Variants in KIRREL3 observed in about 807,000 individuals in gnomAD.
KIRREL3 encodes kin of IRRE-like protein 3.
KIRREL3 carries 36 observed loss-of-function variants against 89.7 expected under a neutral mutation model. The observed-to-expected ratio is 0.40, with a 90% CI of 0.31 to 0.53. KIRREL3 has a LOEUF of 0.53. Among genes scored for constraint, KIRREL3 ranks in the 20% least tolerant of loss-of-function variants. The pLI, the probability that KIRREL3 is intolerant of heterozygous loss-of-function variation, is 0.49. For missense variants in KIRREL3, 864 were observed against 1,056.6 expected (o/e 0.82, Z 2.53); for synonymous variants, 445 against 441.4 (o/e 1.01, Z -0.10).
chr11:126,917,401 A>C lies in KIRREL3; in HGVS notation c.55+83054T>G, dbSNP rs541829981. On this transcript the variant is annotated intron_variant, in intron 1 of 16. Coordinates refer to ENST00000525144, the MANE Select transcript of KIRREL3 (RefSeq NM_032531.4). The surrounding 1 kb of genome is among the most constrained non-coding windows in gnomAD (Gnocchi z 5.0). ...GTGGTGATGGTTGCACAACATTGTC[A>C]ATATAGTTAATGCCACTAAACCGTA... is the stretch of plus-strand genomic sequence containing the variant. Among the ~76,000 whole-genome samples, 22 of 152,212 alleles carry C rather than the reference A, an allele frequency of 1.4e-4. No homozygotes were observed. The highest frequency in any genetic ancestry group is 2.9e-4 in the Non-Finnish European group (20 of 68,038).
rs1565464390 is a variant in KIRREL3, at chr11:126,967,824, T to TGGG, written c.55+32630_55+32631insCCC. Among the ~76,000 whole-genome samples, 13 of 151,802 alleles carry TGGG rather than the reference T, an allele frequency of 8.6e-5. No homozygotes were observed. The East Asian group carries it at 1.4e-3, about 16-fold the overall frequency. ...TGCTTGTCGCAGCTGGGGAGGGGGC[T>TGGG]TGCTACAGGCACATACTGGGTAGCT... On this transcript the variant is annotated intron_variant, in intron 1 of 16. Transcript: ENST00000525144.
intron 8 of KIRREL3, among the ~76,000 whole-genome samples, chr11:126,447,573 G>A (rs1190172747): frequency 2.0e-5 from 3 of 152,136 alleles, no homozygotes; most frequent in African/African-American, 4.8e-5. Context: ...TTCCACTTCC[G>A]ACCCCTCTCC....
chr11:126,794,656 A>G (rs1950747251), intron 1 of KIRREL3, among the ~76,000 whole-genome samples: 1 of 152,256 alleles, frequency 6.6e-6, no homozygotes, highest in African/African-American at 2.4e-5. Flanking sequence ...GAATGAATGC[A>G]AAGTGGTACG....
Position 126,491,232 on chromosome 11 carries a change from G to T in KIRREL3, c.434-17766C>A, listed in dbSNP as rs1309512961. On this transcript the variant is annotated intron_variant, in intron 4 of 16. Transcript: ENST00000525144. The surrounding 1 kb of genome is among the most constrained non-coding windows in gnomAD (Gnocchi z 5.5). ...GGCATGGCGGTGAAACCACCTGAGG[G>T]TCAGGAAGGCTGAGTGAAGGCCAGA... is the stretch of plus-strand genomic sequence containing the variant. Among the ~76,000 whole-genome samples, 1 of 152,210 alleles carries T rather than the reference G, an allele frequency of 6.6e-6. No individual in the cohort carries two copies.
intron 1 of KIRREL3, among the ~76,000 whole-genome samples, chr11:126,592,948 C>T (rs1421339289): frequency 6.6e-6 from 1 of 151,846 alleles, no homozygotes; most frequent in East Asian, 1.9e-4. Context: ...TGTGAGGGGG[C>T]TAGGAGCTGG....
At chr11:126,789,627 A>T (rs1213600219) in intron 1 of KIRREL3, among the ~76,000 whole-genome samples, 1 of 152,172 alleles carries the variant, frequency 6.6e-6, no homozygotes, top group African/African-American at 2.4e-5. Flanking sequence ...CAAACTGCCA[A>T]ATCTTGAGGT....
In KIRREL3 at chr11:126,450,913, GTC is replaced by G. The variant is rs200899602; in HGVS notation, c.849-1758_849-1757del. Among the ~76,000 whole-genome samples the G allele has an allele frequency of 3.4e-3, 510 of 151,552 alleles. 3 individuals carry two copies. The highest frequency in any genetic ancestry group is 0.011 in the African/African-American group (474 of 41,244). On this transcript the variant is annotated intron_variant, in intron 7 of 16. Coordinates refer to ENST00000525144, the MANE Select transcript of KIRREL3 (RefSeq NM_032531.4). ...TGTGCGTGTGTGCATGTGCGTGTGT[GTC>G]CACGTGCATGTGTGCATGTGTGTGG...
Position 126,474,789 on chromosome 11 carries a change from G to A in KIRREL3, c.434-1323C>T, listed in dbSNP as rs371212450. ...CCCACTGGGGTCACCCTTTGATTCC[G>A]ATGAGGACCATGGGCTGAAGGATGG... On this transcript the variant is annotated intron_variant, in intron 4 of 16. Transcript: ENST00000525144. This position sits in a 1 kb window ranked among gnomAD's most constrained non-coding sequence, Gnocchi z 6.7. Among the ~76,000 whole-genome samples, 8 of 152,194 alleles carry A rather than the reference G, an allele frequency of 5.3e-5. No homozygotes were observed. Among genetic ancestry groups the A allele is most frequent in the African/African-American group, 1.4e-4 (6 of 41,454 alleles).
In KIRREL3 at chr11:126,423,427, CA is replaced by C. The variant is rs1312867606; in HGVS notation, c.*1152del. The C allele has an allele frequency of 6.6e-6, 1 of 152,150 alleles. No individual in the cohort carries two copies. Among genetic ancestry groups the C allele is most frequent in the Non-Finnish European group, 1.5e-5 (1 of 68,024 alleles). The allele number at this position is 152,150 out of a possible 1,614,324, so 9.4% of individuals were successfully genotyped here. A position where few individuals can be genotyped will look rare whatever the true frequency, so the allele number is the denominator to read the frequency against. On this transcript the variant is annotated 3_prime_UTR_variant, in exon 17 of 17. Transcript: ENST00000525144. The stretch of plus-strand genomic sequence containing the variant: ...AGGAGGGCAGAGAACCTTGGGTTCC[CA>C]ACGCATTCTATGAGCTCTTGGGTTC...
chr11:126,586,251 T>G lies in KIRREL3; in HGVS notation c.56-23339A>C, dbSNP rs138421990. On this transcript the variant is annotated intron_variant, in intron 1 of 16. Coordinates refer to ENST00000525144, the MANE Select transcript of KIRREL3 (RefSeq NM_032531.4). ...GCCACTCCTCATGTGTCCTTGTTCATGAGGAACATAGAGCTAAAATCAATA... is the reference window on the plus strand; with the variant it reads ...GCCACTCCTCATGTGTCCTTGTTCAGGAGGAACATAGAGCTAAAATCAATA... Among the ~76,000 whole-genome samples the G allele has an allele frequency of 1.0e-3, 159 of 152,322 alleles. 1 individual carries two copies. The highest frequency in any genetic ancestry group is 3.7e-3 in the African/African-American group (155 of 41,580).
chr11:126,572,591 G>T (rs1212239522), intron 1 of KIRREL3, among the ~76,000 whole-genome samples: 5 of 151,752 alleles, frequency 3.3e-5, no homozygotes, highest in Admixed American at 1.3e-4. Context: ...CCGCCAAGCA[G>T]GTGCTGCTGA....
In KIRREL3 at chr11:126,790,230, A is replaced by C. The variant is rs557708984; in HGVS notation, c.55+210225T>G. ...GCAATCTGAGGTCACCGAACATTGC[A>C]CTGGGCTTTAAGCATTCATTGACTG... On this transcript the variant is annotated intron_variant, in intron 1 of 16. Coordinates refer to ENST00000525144, the MANE Select transcript of KIRREL3 (RefSeq NM_032531.4). Among the ~76,000 whole-genome samples the C allele has an allele frequency of 3.9e-5, 6 of 152,300 alleles. No individual in the cohort carries two copies. The South Asian group carries it at 1.2e-3, about 32-fold the overall frequency.
intron 1 of KIRREL3, among the ~76,000 whole-genome samples, chr11:126,813,801 A>C (rs1970761): frequency 0.56 from 84,097 of 151,048 alleles, 23,294 homozygotes; most frequent in Admixed American, 0.59. Context: ...CCCCGAAACT[A>C]GAAAAACCCT....
At position 126,620,840 on chromosome 11, in the gene KIRREL3, T is replaced by C. The variant is rs1314389696; in HGVS notation, c.56-57928A>G. On this transcript the variant is annotated intron_variant, in intron 1 of 16. Coordinates refer to ENST00000525144, the MANE Select transcript of KIRREL3 (RefSeq NM_032531.4). This position sits in a 1 kb window ranked among gnomAD's most constrained non-coding sequence, Gnocchi z 4.8. ...GCTTTCTTCTTGGAGCAGCAACTAGTGAGGAAGGCCGTACCCCACTTGCTG... is the reference window on the plus strand; with the variant it reads ...GCTTTCTTCTTGGAGCAGCAACTAGCGAGGAAGGCCGTACCCCACTTGCTG... Among the ~76,000 whole-genome samples, 1 of 152,108 alleles carries C rather than the reference T, an allele frequency of 6.6e-6. No homozygotes were observed. Among genetic ancestry groups the C allele is most frequent in the Admixed American group, 6.5e-5 (1 of 15,270 alleles).
In KIRREL3 at chr11:126,990,322, C is replaced by G. The variant is rs961418231; in HGVS notation, c.55+10133G>C. 1.3e-5 allele frequency among the ~76,000 whole-genome samples: 2 copies of G among 152,142 alleles called. No homozygotes were observed. The highest frequency in any genetic ancestry group is 4.8e-5 in the African/African-American group (2 of 41,434). On this transcript the variant is annotated intron_variant, in intron 1 of 16. Coordinates refer to ENST00000525144, the MANE Select transcript of KIRREL3 (RefSeq NM_032531.4). The surrounding 1 kb of genome is among the most constrained non-coding windows in gnomAD (Gnocchi z 6.3). Reference sequence around the variant, plus strand: ...CCCTTCATCCGGATCCCCTCAAACACTCCACCCTCACACCCTGCAGAATCA... The same window carrying G: ...CCCTTCATCCGGATCCCCTCAAACAGTCCACCCTCACACCCTGCAGAATCA...
rs568225946 is a variant in KIRREL3, at chr11:126,978,023, G to C, written c.55+22432C>G. Among the ~76,000 whole-genome samples, 1 of 152,236 alleles carries C rather than the reference G, an allele frequency of 6.6e-6. No homozygotes were observed. The highest frequency in any genetic ancestry group is 1.9e-4 in the East Asian group (1 of 5,176). On this transcript the variant is annotated intron_variant, in intron 1 of 16. Transcript: ENST00000525144. This position sits in a 1 kb window ranked among gnomAD's most constrained non-coding sequence, Gnocchi z 4.2. ...TGGATTTCTGTAGTACGACTCTGCT[G>C]CCAGTCTACTGACAGCCTCCTTCTC...
intron 11 of KIRREL3, 167 bp downstream of exon 11, chr11:126,440,282 T>C: frequency 1.4e-6 from 1 of 718,292 alleles, no homozygotes; most frequent in Non-Finnish European, 2.5e-6. Flanking sequence ...GGCCTGCAAT[T>C]GTGTCTTCAC....
At chr11:126,804,825 T>C (rs1379470865) in intron 1 of KIRREL3, among the ~76,000 whole-genome samples, 2 of 152,176 alleles carry the variant, frequency 1.3e-5, no homozygotes, top group Non-Finnish European at 2.9e-5. Flanking sequence ...GGATAAACTA[T>C]GTTGGGTGCA....
chr11:126,461,161 G>T (rs111573046), intron 6 of KIRREL3, among the ~76,000 whole-genome samples: 1 of 152,384 alleles, frequency 6.6e-6, no homozygotes, highest in African/African-American at 2.4e-5. Flanking sequence ...TGTGACAGGC[G>T]TAGGCCCAGC....
Sources: allele counts gnomAD v4.1 joint callset (sites outside exome capture counted in the v4.1 genomes callset), GRCh38; gene constraint gnomAD v4.1.1; non-coding constraint Gnocchi (gnomAD v3.1); transcripts MANE v1.5; gene names NCBI Gene and HGNC (gene_info 2026-07-23, HGNC 2026-07-21).